The following MIS18BP1 variants were observed in gnomAD, a reference collection of about 807,000 sequenced individuals.
MIS18BP1 encodes the protein MIS18 binding protein 1, also known as mis18-binding protein 1.
A neutral mutation model predicts 116.1 loss-of-function variants in MIS18BP1; 72 were observed. The observed-to-expected ratio is 0.62, with a 90% CI of 0.51 to 0.75. MIS18BP1 has a LOEUF of 0.75. Among genes scored for constraint, MIS18BP1 ranks in the 30% least tolerant of loss-of-function variants. MIS18BP1 has a pLI of 0.00. For missense variants in MIS18BP1, 1,363 were observed against 1,303.2 expected (o/e 1.05, Z -0.71); for synonymous variants, 386 against 427.0 (o/e 0.90, Z 1.18).
chr14:45,215,905 C>T (rs527881790), intron 13 of MIS18BP1, among the ~76,000 whole-genome samples: 3 of 151,796 alleles, frequency 2.0e-5, no homozygotes, highest in South Asian at 2.1e-4. Flanking sequence ...GAGCTTTCAC[C>T]GTGTTGGCCA....
intron 4 of MIS18BP1, among the ~76,000 whole-genome samples, chr14:45,241,196 G>A (rs1891565567): frequency 6.6e-6 from 1 of 152,218 alleles, no homozygotes; most frequent in Non-Finnish European, 1.5e-5. Context: ...ATGGCTGGAT[G>A]CAGTGGCTCA....
chr14:45,215,425 TTAA>T (rs1404154347), intron 13 of MIS18BP1, among the ~76,000 whole-genome samples: 1 of 152,168 alleles, frequency 6.6e-6, no homozygotes, highest in African/African-American at 2.4e-5. Flanking sequence ...TACTTTAATC[TTAA>T]TAATTTTTTT....
Position 45,247,066 on chromosome 14 carries a change from A to G in MIS18BP1, c.221T>C (p.Ile74Thr). The G allele has an allele frequency of 6.2e-7, 1 of 1,613,042 alleles. No individual in the cohort carries two copies. The highest frequency in any genetic ancestry group is 8.5e-7 in the Non-Finnish European group (1 of 1,179,686). Reference sequence around the variant, plus strand: ...CTCTGTTAGCATAGTTGATTGAAATATATTTTTATTGTTAAAAGTTGTCAT... The same window carrying G: ...CTCTGTTAGCATAGTTGATTGAAATGTATTTTTATTGTTAAAAGTTGTCAT... Reference protein sequence around the residue: ...LKMTTFNNKNIFQSTMLTEAT... With the variant: ...LKMTTFNNKNTFQSTMLTEAT... The change falls in exon 2 of 17, where the codon ATA (isoleucine) becomes ACA (threonine). Residue 74 changes from isoleucine to threonine, a missense_variant. Physicochemically the swap from Ile to Thr is moderately conservative, Grantham distance 89. Transcript: ENST00000310806.
rs771452249 is a variant in MIS18BP1, at chr14:45,224,202, G to A, written c.2385C>T (p.Asn795=). 11 of 1,613,974 alleles carry A rather than the reference G, an allele frequency of 6.8e-6. No homozygotes were observed. The highest frequency in any genetic ancestry group is 9.3e-6 in the Non-Finnish European group (11 of 1,180,010). Residue 795 remains asparagine (N), a synonymous_variant, in exon 11 of 17, where the codon AAC becomes AAT. Transcript: ENST00000310806. ...KAEVKKTKAG[N]TKEAVVHLRK... ...TCAGGTGAACCACTGCTTCTTTGGT[G>A]TTTCCTGCTTTGGTTTTCTTAACTT...
chr14:45,239,903 A>G (rs1320633519), intron 4 of MIS18BP1, among the ~76,000 whole-genome samples: 1 of 152,202 alleles, frequency 6.6e-6, no homozygotes, highest in Non-Finnish European at 1.5e-5. Flanking sequence ...AGATGAATCT[A>G]AAATTTTGCC....
Position 45,223,965 on chromosome 14 carries a change from T to C in MIS18BP1, c.2622A>G (p.Leu874=). 6.2e-7 allele frequency: 1 copy of C among 1,601,242 alleles called. No individual in the cohort carries two copies. The highest frequency in any genetic ancestry group is 1.3e-5 in the African/African-American group (1 of 74,140). ...TCTCATTCCATTCCTTATCCTGAAT[T>C]AAACCAGGTAAGCATTCTAAGGGAT... ...NRHPLECLPG[L]IQDKEWNEKE... Residue 874 remains leucine, a synonymous_variant, in exon 11 of 17, where the codon TTA becomes TTG. Coordinates refer to ENST00000310806, the MANE Select transcript of MIS18BP1 (RefSeq NM_018353.5).
Position 45,204,199 on chromosome 14 carries a change from G to C in MIS18BP1, c.3309C>G (p.Asn1103Lys). The change falls in exon 17 of 17, where the codon AAC (asparagine) becomes AAG (lysine). Residue 1103 changes from asparagine (N) to lysine (K), a missense_variant. Asn to Lys is a moderately conservative substitution (Grantham distance 94, BLOSUM62 0). Transcript: ENST00000310806. ...KTPFNTDLGE[N>K]SGIGKLFTNA... Reference sequence around the variant, plus strand: ...TAGTGAAAAGTTTTCCAATACCAGAGTTTTCTCCTAAGTCTGTAAAGAGAA... The same window carrying C: ...TAGTGAAAAGTTTTCCAATACCAGACTTTTCTCCTAAGTCTGTAAAGAGAA... The C allele has an allele frequency of 1.2e-6, 2 of 1,608,978 alleles. No individual in the cohort carries two copies. The highest frequency in any genetic ancestry group is 1.7e-6 in the Non-Finnish European group (2 of 1,178,294).
At chr14:45,209,350 A>AGT (rs1434761928) in intron 14 of MIS18BP1, among the ~76,000 whole-genome samples, 3 of 151,814 alleles carry the variant, frequency 2.0e-5, no homozygotes, top group African/African-American at 7.3e-5. Context: ...TTTTTGAGAC[A>AGT]GGATCTCACT....
At chr14:45,228,225 G>A (rs911418389) in intron 8 of MIS18BP1, among the ~76,000 whole-genome samples, 3 of 152,004 alleles carry the variant, frequency 2.0e-5, no homozygotes, top group Non-Finnish European at 4.4e-5. Flanking sequence ...ATTTGACTAG[G>A]ATATAAAGCA....
At chr14:45,234,631 C>A (rs1484066025) in intron 6 of MIS18BP1, among the ~76,000 whole-genome samples, 1 of 152,090 alleles carries the variant, frequency 6.6e-6, no homozygotes, top group Non-Finnish European at 1.5e-5. Context: ...AAGGAGTCAT[C>A]AGGAAGGTTG....
intron 1 of MIS18BP1, among the ~76,000 whole-genome samples, chr14:45,251,915 G>GT (rs1450797758): frequency 3.9e-5 from 6 of 152,084 alleles, no homozygotes; most frequent in Non-Finnish European, 7.4e-5. Context: ...CTTCTAACTT[G>GT]TTTTTTCCTA....
intron 1 of MIS18BP1, among the ~76,000 whole-genome samples, chr14:45,248,055 G>GTTTTTTTTTTTTTTTTTTCTTTTT: frequency 9.2e-6 from 1 of 109,240 alleles, no homozygotes; most frequent in Non-Finnish European, 1.9e-5. Context: ...TGTTTCTTTC[G>GTTTTTTTTTTTTTTTTTTCTTTTT]TTTTTTTTTT....
chr14:45,250,207 C>T (rs755346156), intron 1 of MIS18BP1: 1 of 152,200 alleles, frequency 6.6e-6, no homozygotes, highest in Non-Finnish European at 1.5e-5. Context: ...AATTCCACTT[C>T]CCCTCCCAAA....
At chr14:45,225,159 A>G (rs371563218) in intron 10 of MIS18BP1, among the ~76,000 whole-genome samples, 2 of 152,184 alleles carry the variant, frequency 1.3e-5, no homozygotes, top group South Asian at 2.1e-4. Flanking sequence ...GATGTTCTTC[A>G]TTCATCTATA....
intron 14 of MIS18BP1, among the ~76,000 whole-genome samples, chr14:45,206,959 C>T (rs933890744): frequency 1.3e-5 from 2 of 152,068 alleles, no homozygotes; most frequent in African/African-American, 4.8e-5. Context: ...GTTTCTAATC[C>T]AGCTCATCAA....
intron 11 of MIS18BP1, among the ~76,000 whole-genome samples, chr14:45,221,315 T>C (rs1446140933): frequency 2.0e-5 from 3 of 151,862 alleles, no homozygotes; most frequent in African/African-American, 4.8e-5. Flanking sequence ...CGGGCGCCTG[T>C]AGTCCCAGCT....
chr14:45,206,010 C>A, intron 15 of MIS18BP1, 73 bp downstream of exon 15: 2 of 979,904 alleles, frequency 2.0e-6, no homozygotes, highest in Non-Finnish European at 3.1e-6. Context: ...TGTTACATGA[C>A]TTACAACTAC....
chr14:45,211,100 C>T (rs1360872938), intron 13 of MIS18BP1, among the ~76,000 whole-genome samples: 1 of 152,184 alleles, frequency 6.6e-6, no homozygotes. Flanking sequence ...CATGTGTTTC[C>T]ATTCATCTTG....
chr14:45,205,047 C>T (rs1890476021), intron 15 of MIS18BP1, among the ~76,000 whole-genome samples: 1 of 152,078 alleles, frequency 6.6e-6, no homozygotes, highest in Non-Finnish European at 1.5e-5. Flanking sequence ...CAATGCTTAT[C>T]AAACTATTGG....
Sources: allele counts gnomAD v4.1 joint callset (sites outside exome capture counted in the v4.1 genomes callset), GRCh38; gene constraint gnomAD v4.1.1; transcripts MANE v1.5; gene names NCBI Gene and HGNC (gene_info 2026-07-23, HGNC 2026-07-21).